The following FCRL1 variants were observed in gnomAD, a reference collection of about 807,000 sequenced individuals.
FCRL1 encodes Fc receptor like 1.
Under a neutral mutation model 49.2 loss-of-function variants are expected in FCRL1, and 34 were observed. The observed-to-expected ratio is 0.69, with a 90% CI of 0.53 to 0.92. The LOEUF (loss-of-function observed/expected upper bound fraction) is 0.92, where lower values mean the gene tolerates loss of function less well. FCRL1 is among the 40% of genes least tolerant of loss of function. FCRL1 has a pLI of 0.00. For synonymous variants in FCRL1, 218 were observed against 201.6 expected (o/e 1.08, Z -0.69); for missense variants, 524 against 524.1 (o/e 1.00, Z 0.00).
intron 1 of FCRL1, among the ~76,000 whole-genome samples, chr1:157,807,551 C>T (rs1293855268): frequency 6.6e-6 from 1 of 152,154 alleles, no homozygotes; most frequent in Non-Finnish European, 1.5e-5. Context: ...CTTGAGGATC[C>T]AGCTTTGGAT....
Position 157,801,247 on chromosome 1 carries a change from C to A in FCRL1, c.1003+214G>T, listed in dbSNP as rs1044504199. On this transcript the variant is annotated intron_variant, in intron 6 of 10. Transcript: ENST00000368176. ...ACAGAAGCACAAAATATCACTCGAA[C>A]CTCAACTGATAGCACATGAGGGATG... Among the ~76,000 whole-genome samples the A allele has an allele frequency of 4.6e-5, 7 of 152,258 alleles. No homozygotes were observed. In the East Asian group the frequency reaches 1.4e-3, roughly 29 times the overall value.
rs138242567 is a variant in FCRL1, at chr1:157,794,565, T to C, written c.*1534A>G. 6 of 152,356 alleles carry C rather than the reference T, an allele frequency of 3.9e-5. No individual in the cohort carries two copies. Among genetic ancestry groups the C allele is most frequent in the African/African-American group, 9.6e-5 (4 of 41,584 alleles). The allele number at this position is 152,356 out of a possible 1,614,324, so 9.4% of individuals were successfully genotyped here. A position where few individuals can be genotyped will look rare whatever the true frequency, so the allele number is the denominator to read the frequency against. On this transcript the variant is annotated 3_prime_UTR_variant, in exon 11 of 11. Coordinates refer to ENST00000368176, the MANE Select transcript of FCRL1 (RefSeq NM_052938.5). ...ATTTAACAAGAATATTTAATATGCA[T>C]AATCTAGCAATACTAGATTTACAAA...
chr1:157,803,782 G>A, intron 3 of FCRL1, 63 bp downstream of exon 3: 2 of 1,575,366 alleles, frequency 1.3e-6, no homozygotes, highest in Non-Finnish European at 1.7e-6. Flanking sequence ...TAACAGTGAG[G>A]ATTAGCCTCT....
rs1654466667 is a variant in FCRL1 at position 157,812,486 on chromosome 1, AT to A, written c.32-5365del. On this transcript the variant is annotated intron_variant, in intron 1 of 10. Transcript: ENST00000368176. Reference sequence around the variant, plus strand: ...GCCCCTGTGTCTCATTGACTCTGGGATTTGATTTGTAGTTGTGATCTGCTTC... The same window carrying A: ...GCCCCTGTGTCTCATTGACTCTGGGATTGATTTGTAGTTGTGATCTGCTTC... Among the ~76,000 whole-genome samples, 2 of 151,980 alleles carry A rather than the reference AT, an allele frequency of 1.3e-5. 1 individual carries two copies. The highest frequency in any genetic ancestry group is 4.2e-4 in the South Asian group (2 of 4,808).
chr1:157,811,842 A>AT (rs1266136290), intron 1 of FCRL1, among the ~76,000 whole-genome samples: 1 of 152,046 alleles, frequency 6.6e-6, no homozygotes, highest in South Asian at 2.1e-4. Context: ...GAATCACTCC[A>AT]TTTTCTCCAT....
At chr1:157,806,996 T>G (rs1653573380) in intron 2 of FCRL1, 106 bp downstream of exon 2, 1 of 1,265,672 alleles carries the variant, frequency 7.9e-7, no homozygotes, top group Non-Finnish European at 1.1e-6. Flanking sequence ...CCTGATATGT[T>G]TTGGGCAGGA....
chr1:157,798,247 CA>C lies in FCRL1; in HGVS notation c.1032-5del. Reference sequence around the variant, plus strand: ...GGGTAGAGGGCTGGGAAGGCTCCTGCAAACACAGAGACACATGTTATTTATC... The same window carrying C: ...GGGTAGAGGGCTGGGAAGGCTCCTGCAACACAGAGACACATGTTATTTATC... On this transcript the variant is annotated splice_region_variant and splice_polypyrimidine_tract_variant and intron_variant, in intron 7 of 10. Coordinates refer to ENST00000368176, the MANE Select transcript of FCRL1 (RefSeq NM_052938.5). 1 of 1,604,558 alleles carries C rather than the reference CA, an allele frequency of 6.2e-7. No homozygotes were observed. Among genetic ancestry groups the C allele is most frequent in the African/African-American group, 1.3e-5 (1 of 74,608 alleles).
At chr1:157,800,599 C>T (rs753318550) in intron 6 of FCRL1, among the ~76,000 whole-genome samples, 9 of 152,204 alleles carry the variant, frequency 5.9e-5, no homozygotes, top group East Asian at 3.9e-4. Context: ...GTTGTGATAA[C>T]GTGTGAATCT....
At chr1:157,799,803 T>TA (rs988005033) in intron 7 of FCRL1, among the ~76,000 whole-genome samples, 31 of 150,896 alleles carry the variant, frequency 2.1e-4, no homozygotes, top group Non-Finnish European at 4.0e-4. Context: ...ATAATAAAAT[T>TA]AAAAAAAAAT....
At chr1:157,816,966 C>G (rs1159718911) in intron 1 of FCRL1, among the ~76,000 whole-genome samples, 2 of 151,804 alleles carry the variant, frequency 1.3e-5, no homozygotes, top group African/African-American at 4.8e-5. Flanking sequence ...TGAAATATCT[C>G]TACAGTGAAA....
At chr1:157,808,379 T>C (rs1173824727) in intron 1 of FCRL1, among the ~76,000 whole-genome samples, 1 of 152,136 alleles carries the variant, frequency 6.6e-6, no homozygotes, top group Non-Finnish European at 1.5e-5. Flanking sequence ...ATAGATTCAG[T>C]AAAAACCTAA....
intron 10 of FCRL1, among the ~76,000 whole-genome samples, 163 bp from the exon 11 acceptor site, chr1:157,796,333 G>T (rs893727946): frequency 1.3e-5 from 2 of 152,208 alleles, no homozygotes; most frequent in South Asian, 4.1e-4. Flanking sequence ...TTTTTAGAGT[G>T]CCTGTATCCC....
Position 157,802,093 on chromosome 1 carries a change from A to G in FCRL1, c.708T>C (p.Pro236=). 1.2e-6 allele frequency: 2 copies of G among 1,614,170 alleles called. No homozygotes were observed. The highest frequency in any genetic ancestry group is 1.7e-6 in the Non-Finnish European group (2 of 1,180,020). ...ELHCEALRGS[P]PILYWFYHED... ...CGTGATAAAACCAGTACAGGATCGG[A>G]GGAGAGCCTCTCAGGGCCTCACAGT... Residue 236 remains proline, a synonymous_variant, in exon 5 of 11, where the codon CCT becomes CCC. Coordinates refer to ENST00000368176, the MANE Select transcript of FCRL1 (RefSeq NM_052938.5).
Position 157,801,927 on chromosome 1 carries a change from G to A in FCRL1, c.874C>T (p.Leu292Phe). Reference sequence around the variant, plus strand: ...GCCTGAGCTATACCTGTGAAGTTGAGTGTCACCGCCTCACTGCGCTGGGCC... The same window carrying A: ...GCCTGAGCTATACCTGTGAAGTTGAATGTCACCGCCTCACTGCGCTGGGCC... ...LGAQRSEAVT[L>F]NFTVPTGARS... Residue 292 changes from leucine (L) to phenylalanine (F), a missense_variant, in exon 5 of 11, where the codon CTC (leucine) becomes TTC (phenylalanine). Leu to Phe is a conservative substitution (Grantham distance 22). Coordinates refer to ENST00000368176, the MANE Select transcript of FCRL1 (RefSeq NM_052938.5). 1.2e-6 allele frequency: 2 copies of A among 1,613,308 alleles called. No individual in the cohort carries two copies. The highest frequency in any genetic ancestry group is 1.3e-5 in the African/African-American group (1 of 75,050).
chr1:157,805,887 C>T (rs1019287643), intron 2 of FCRL1, among the ~76,000 whole-genome samples: 5 of 152,114 alleles, frequency 3.3e-5, no homozygotes, highest in African/African-American at 1.2e-4. Flanking sequence ...CAGAGTGAGA[C>T]TCTGTCTCAA....
Position 157,807,122 on chromosome 1 carries a change from G to A in FCRL1, c.32C>T (p.Ala11Val). Residue 11 changes from alanine to valine, a missense_variant and splice_region_variant, in exon 2 of 11, where the codon GCT becomes GTT. By Grantham distance (64) the Ala-to-Val change is moderately conservative (BLOSUM62 0). Transcript: ENST00000368176. The part of the protein sequence containing the change: MLPRLLLLIC[A>V]PLCEPAELFL... ...CTCACCGGCAGGTTCACAGAGTGGA[G>A]CTGGGAGAGAATTCAGCAGAGATCA... 1.2e-6 allele frequency: 2 copies of A among 1,613,754 alleles called. No individual in the cohort carries two copies. The highest frequency in any genetic ancestry group is 1.7e-6 in the Non-Finnish European group (2 of 1,179,852).
At chr1:157,816,886 T>G (rs1655108083) in intron 1 of FCRL1, among the ~76,000 whole-genome samples, 2 of 151,656 alleles carry the variant, frequency 1.3e-5, no homozygotes, top group African/African-American at 4.8e-5. Context: ...CAAAAGAAAT[T>G]AAGAAAACAA....
chr1:157,804,046 T>C lies in FCRL1; in HGVS notation c.118A>G (p.Met40Val), dbSNP rs1652975885. The C allele has an allele frequency of 6.2e-7, 1 of 1,614,060 alleles. No homozygotes were observed. Among genetic ancestry groups the C allele is most frequent in the Non-Finnish European group, 8.5e-7 (1 of 1,180,036 alleles). Residue 40 changes from methionine to valine, a missense_variant, in exon 3 of 11, where the codon ATG becomes GTG. Physicochemically the swap from Met to Val is conservative, Grantham distance 21. Transcript: ENST00000368176. Reference sequence around the variant, plus strand: ...GCATCTGAACTCTGTAGAAAGGGCATCTTACACGTCAGGGTCACTGGGCTC... The same window carrying C: ...GCATCTGAACTCTGTAGAAAGGGCACCTTACACGTCAGGGTCACTGGGCTC... ...EGSPVTLTCKMPFLQSSDAQF... is the reference protein window; with the variant it reads ...EGSPVTLTCKVPFLQSSDAQF...
intron 6 of FCRL1, 124 bp from the exon 7 acceptor site, chr1:157,800,209 T>A (rs1409936058): frequency 2.7e-6 from 2 of 747,584 alleles, no homozygotes; most frequent in African/African-American, 3.5e-5. Flanking sequence ...TGGGTGCCAC[T>A]GTGTGCCCAG....
Sources: gnomAD v4.1 joint callset for allele counts (sites outside exome capture counted in the v4.1 genomes callset) on GRCh38, gnomAD v4.1.1 for gene constraint, MANE v1.5 for transcripts, NCBI Gene and HGNC (gene_info 2026-07-23, HGNC 2026-07-21) for gene names.